Variants in DLD observed in about 807,000 individuals in gnomAD.
The protein encoded by DLD is dihydrolipoyl dehydrogenase, mitochondrial.
In DLD, 36 loss-of-function variants were observed where a neutral mutation model predicts 62.2. That is an observed-to-expected ratio of 0.58 (90% CI 0.44 to 0.76). The LOEUF (loss-of-function observed/expected upper bound fraction) is 0.76, where lower values mean the gene tolerates loss of function less well. DLD is among the 30% of genes least tolerant of loss of function. DLD has a pLI of 0.00. For missense variants in DLD, 541 were observed against 608.6 expected, an observed-to-expected ratio of 0.89 and a Z score of 1.17; for synonymous variants, 204 against 199.6, an observed-to-expected ratio of 1.02 and a Z score of -0.19.
chr7:107,920,494 A>G lies in DLD; in HGVS notation c.*1235A>G, dbSNP rs2032385288. 1.3e-5 allele frequency: 2 copies of G among 152,194 alleles called. No individual in the cohort carries two copies. The highest frequency in any genetic ancestry group is 2.4e-5 in the African/African-American group (1 of 41,522). 9.4% of individuals were successfully genotyped at this position (152,194 alleles called of 1,614,324 possible). On this transcript the variant is annotated 3_prime_UTR_variant, in exon 14 of 14. Transcript: ENST00000205402. ...AGGCAGTTAACTTGGCTGAACACCA[A>G]CTCCACACTCTGTCTTGTTTGTAGG... is the stretch of plus-strand genomic sequence containing the variant.
In DLD at chr7:107,919,246, C is replaced by A. The variant is rs1382247182; in HGVS notation, c.1517C>A (p.Ser506Ter). 2 of 1,611,418 alleles carry A rather than the reference C, an allele frequency of 1.2e-6. No individual in the cohort carries two copies. The highest frequency in any genetic ancestry group is 1.3e-5 in the African/African-American group (1 of 74,996). ...AATCTTGCTGCGTCATTTGGCAAAT[C>A]AATCAACTTTTGAATTAGAAGATTA... is the stretch of plus-strand genomic sequence containing the variant. ...EANLAASFGK[S>*]INF Residue 506 changes from serine to a stop codon, truncating the protein, a stop_gained, in exon 14 of 14, where the codon TCA (serine) becomes TAA (stop). Coordinates refer to ENST00000205402, the MANE Select transcript of DLD (RefSeq NM_000108.5). LOFTEE classifies it high-confidence loss of function.
At chr7:107,900,744 A>G (rs1253308588) in intron 2 of DLD, among the ~76,000 whole-genome samples, 1 of 152,126 alleles carries the variant, frequency 6.6e-6, no homozygotes, top group East Asian at 1.9e-4. Flanking sequence ...GAAATGTCTT[A>G]TTTATGACAT....
chr7:107,891,836 C>G (rs2031586765), intron 1 of DLD, among the ~76,000 whole-genome samples: 1 of 152,158 alleles, frequency 6.6e-6, no homozygotes, highest in Non-Finnish European at 1.5e-5. Flanking sequence ...TGCCATCTCT[C>G]ACGACTTCCT....
chr7:107,899,512 A>G (rs566219259), intron 2 of DLD, among the ~76,000 whole-genome samples: 1 of 152,088 alleles, frequency 6.6e-6, no homozygotes, highest in African/African-American at 2.4e-5. Context: ...TTTTAGTACC[A>G]TGGACCTACT....
chr7:107,905,375 T>C lies in DLD; in HGVS notation c.453T>C (p.Asn151=). The C allele has an allele frequency of 1.2e-6, 2 of 1,613,524 alleles. No homozygotes were observed. The stretch of plus-strand genomic sequence containing the variant: ...ATTTTGTAAAGGTTGTTCATGTCAA[T>C]GGATATGGAAAGATAACTGGCAAAA... ...LFKQNKVVHV[N]GYGKITGKNQ... The change falls in exon 7 of 14, where the codon AAT becomes AAC. Residue 151 remains asparagine (N), a synonymous_variant. Transcript: ENST00000205402.
rs371072449 is a variant in DLD, at chr7:107,903,554, A to G, written c.337+7A>G. ...GCATCTAGAGGAATTGAAAGTAAGT[A>G]TACTTTTCATGCTTAATGATATTAC... On this transcript the variant is annotated splice_region_variant and intron_variant, in intron 5 of 13. Coordinates refer to ENST00000205402, the MANE Select transcript of DLD (RefSeq NM_000108.5). 27 of 1,529,734 alleles carry G rather than the reference A, an allele frequency of 1.8e-5. No individual in the cohort carries two copies. In the African/African-American group the frequency reaches 3.5e-4, roughly 20 times the overall value. The allele number at this position is 1,529,734 out of a possible 1,614,324, so 94.8% of individuals were successfully genotyped here. A position where few individuals can be genotyped will look rare whatever the true frequency, so the allele number is the denominator to read the frequency against.
intron 8 of DLD, among the ~76,000 whole-genome samples, chr7:107,911,807 C>T (rs1011285668): frequency 2.0e-5 from 3 of 151,920 alleles, no homozygotes; most frequent in African/African-American, 7.3e-5. Context: ...GGCTATCCAT[C>T]ACCTCGAACA....
intron 13 of DLD, 38 bp downstream of exon 13, chr7:107,919,137 A>C: frequency 1.2e-6 from 2 of 1,612,354 alleles, no homozygotes; most frequent in Non-Finnish European, 1.7e-6. Flanking sequence ...TGGTTGCCTA[A>C]ATTTTCTTCT....
chr7:107,891,315 G>C, intron 1 of DLD, 26 bp downstream of exon 1: 1 of 1,613,920 alleles, frequency 6.2e-7, no homozygotes, highest in Non-Finnish European at 8.5e-7. Flanking sequence ...GTGAGGTCGT[G>C]TTGAGCCAGA....
At chr7:107,891,400 C>T (rs2031568702) in intron 1 of DLD, 111 bp downstream of exon 1, 16 of 1,205,272 alleles carry the variant, frequency 1.3e-5, no homozygotes, top group South Asian at 6.3e-5. Context: ...GGCGCCTGGG[C>T]CGCACCACCC....
chr7:107,893,410 C>T (rs555133996), intron 2 of DLD, 132 bp downstream of exon 2: 195 of 703,878 alleles, frequency 2.8e-4, no homozygotes, highest in Non-Finnish European at 2.6e-4. Context: ...TGTATTTATT[C>T]GTTTGAATGT....
chr7:107,916,055 A>G (rs1381496095), intron 9 of DLD, among the ~76,000 whole-genome samples: 1 of 152,210 alleles, frequency 6.6e-6, no homozygotes, highest in Non-Finnish European at 1.5e-5. Flanking sequence ...AAATACTTTA[A>G]TGGCATTTAA....
chr7:107,899,536 C>T (rs2031824080), intron 2 of DLD, among the ~76,000 whole-genome samples: 1 of 151,786 alleles, frequency 6.6e-6, no homozygotes, highest in African/African-American at 2.4e-5. Context: ...AGAATTGTTA[C>T]ATATCAGTGA....
intron 4 of DLD, among the ~76,000 whole-genome samples, chr7:107,903,252 G>C (rs533260046): frequency 1.3e-5 from 2 of 152,222 alleles, no homozygotes; most frequent in East Asian, 3.9e-4. Context: ...TACAAAATTA[G>C]CCAGGCGTGG....
intron 5 of DLD, chr7:107,904,757 T>G: frequency 1.5e-6 from 1 of 648,212 alleles, no homozygotes; most frequent in Non-Finnish European, 2.8e-6. Flanking sequence ...GTAGACATTT[T>G]ATAGTGTTTG....
chr7:107,903,655 G>A, intron 5 of DLD, 108 bp downstream of exon 5: 2 of 626,736 alleles, frequency 3.2e-6, no homozygotes, highest in Non-Finnish European at 2.9e-6. Flanking sequence ...TTTAGTGAAG[G>A]AAGAGTAAAA....
At chr7:107,913,950 A>G (rs892080276) in intron 8 of DLD, among the ~76,000 whole-genome samples, 4 of 152,124 alleles carry the variant, frequency 2.6e-5, no homozygotes, top group Admixed American at 2.0e-4. Flanking sequence ...AATTTTTATT[A>G]AAGGCTTTTT....
At chr7:107,900,210 T>C (rs1490296217) in intron 2 of DLD, among the ~76,000 whole-genome samples, 1 of 152,116 alleles carries the variant, frequency 6.6e-6, no homozygotes, top group African/African-American at 2.4e-5. Flanking sequence ...TGTGGATAAT[T>C]GGGCTGAGTA....
At chr7:107,900,649 A>G (rs1176691293) in intron 2 of DLD, among the ~76,000 whole-genome samples, 1 of 152,168 alleles carries the variant, frequency 6.6e-6, no homozygotes, top group African/African-American at 2.4e-5. Context: ...AGTAGAGTCA[A>G]AAAGCTTAGT....
Sources: gnomAD v4.1 joint callset for allele counts (sites outside exome capture counted in the v4.1 genomes callset) on GRCh38, gnomAD v4.1.1 for gene constraint, MANE v1.5 for transcripts, NCBI Gene and HGNC (gene_info 2026-07-23, HGNC 2026-07-21) for gene names.